The following AP3M2 variants were observed in gnomAD, a reference collection of about 807,000 sequenced individuals.
AP3M2 encodes the protein adaptor related protein complex 3 subunit mu 2, also known as AP-3 complex subunit mu-2.
Under a neutral mutation model 41.6 loss-of-function variants are expected in AP3M2, and 28 were observed. The observed-to-expected ratio is 0.67, with a 90% CI of 0.50 to 0.92. The LOEUF (loss-of-function observed/expected upper bound fraction) is 0.92. AP3M2 is among the 40% of genes least tolerant of loss of function. The pLI is 0.00. For synonymous variants in AP3M2, 193 were observed against 186.4 expected, an observed-to-expected ratio of 1.04 and a Z score of -0.29; for missense variants, 427 against 521.4, an observed-to-expected ratio of 0.82 and a Z score of 1.76.
intron 8 of AP3M2, among the ~76,000 whole-genome samples, chr8:42,168,032 C>T (rs545617181): frequency 5.9e-5 from 9 of 152,190 alleles, no homozygotes; most frequent in African/African-American, 2.2e-4. Context: ...GTGCCTAAGA[C>T]ACACTGAGAA....
chr8:42,166,318 A>G (rs1262086584), intron 6 of AP3M2, among the ~76,000 whole-genome samples: 9 of 152,166 alleles, frequency 5.9e-5, no homozygotes, highest in Non-Finnish European at 1.2e-4. Context: ...ACACGGTAGG[A>G]GTTAAATGGA....
intron 4 of AP3M2, among the ~76,000 whole-genome samples, chr8:42,163,040 G>C (rs371627680): frequency 6.7e-6 from 1 of 150,016 alleles, no homozygotes; most frequent in Non-Finnish European, 1.5e-5. Context: ...TCTGATGGCA[G>C]AACTAAAGTT....
At chr8:42,157,373 GCAGATAATTTAGCAC>G (rs1392544296) in intron 2 of AP3M2, among the ~76,000 whole-genome samples, 2 of 152,190 alleles carry the variant, frequency 1.3e-5, no homozygotes, top group Non-Finnish European at 2.9e-5. Flanking sequence ...TTCCCACAAT[GCAGATAATTTAGCAC>G]CTAACGTTAG....
Position 42,167,777 on chromosome 8 carries a change from C to T in AP3M2, c.1123C>T (p.Leu375=). The part of the protein sequence containing the change: ...SKPDENPTIN[L]QFKIQQLAIS... ...ACCAGATGAAAACCCCACAATTAAC[C>T]TGCAGTTTAAGATCCAGCAGCTGGC... The change falls in exon 8 of 9, where the codon CTG becomes TTG. Residue 375 remains leucine (L), a synonymous_variant. Transcript: ENST00000396926. 1 of 1,614,084 alleles carries T rather than the reference C, an allele frequency of 6.2e-7. No homozygotes were observed. Among genetic ancestry groups the T allele is most frequent in the Non-Finnish European group, 8.5e-7 (1 of 1,179,996 alleles).
intron 4 of AP3M2, 61 bp from the exon 5 acceptor site, chr8:42,165,010 G>T (rs781213705): frequency 5.6e-5 from 82 of 1,451,690 alleles, no homozygotes; most frequent in Admixed American, 7.5e-5. Flanking sequence ...AGATAAGTTT[G>T]TTGAGAAGGA....
chr8:42,163,135 G>T (rs1456246961), intron 4 of AP3M2, among the ~76,000 whole-genome samples: 1 of 152,004 alleles, frequency 6.6e-6, no homozygotes, highest in Non-Finnish European at 1.5e-5. Context: ...TTCAGAATTT[G>T]TAGAAGCCAG....
At chr8:42,162,900 C>G (rs1230504851) in intron 4 of AP3M2, among the ~76,000 whole-genome samples, 1 of 121,572 alleles carries the variant, frequency 8.2e-6, no homozygotes, top group African/African-American at 3.3e-5. Flanking sequence ...AAGCCCTGAT[C>G]ATGACACTGC....
At chr8:42,160,582 A>G (rs552105952) in intron 3 of AP3M2, among the ~76,000 whole-genome samples, 1 of 152,378 alleles carries the variant, frequency 6.6e-6, no homozygotes, top group East Asian at 1.9e-4. Context: ...CAGAGAAGGG[A>G]AGATCTTTTT....
intron 5 of AP3M2, 111 bp downstream of exon 5, chr8:42,165,267 G>A (rs555414398): frequency 9.8e-6 from 14 of 1,434,616 alleles, no homozygotes; most frequent in Admixed American, 1.9e-5. Flanking sequence ...GGACAGCCAC[G>A]AAGCTTGTCT....
intron 8 of AP3M2, chr8:42,168,165 G>A (rs960403471): frequency 8.4e-6 from 4 of 477,230 alleles, no homozygotes; most frequent in African/African-American, 5.9e-5. Flanking sequence ...TATAACTGAA[G>A]TGTAATTTCC....
chr8:42,162,468 C>G, intron 4 of AP3M2, 50 bp downstream of exon 4: 2 of 1,552,770 alleles, frequency 1.3e-6, no homozygotes, highest in African/African-American at 1.4e-5. Flanking sequence ...AAAGGGACCT[C>G]TTTCATATAA....
intron 3 of AP3M2, 99 bp downstream of exon 3, chr8:42,158,211 C>G: frequency 8.1e-7 from 1 of 1,237,198 alleles, no homozygotes; most frequent in South Asian, 1.5e-5. Context: ...CTTTGGGGAT[C>G]TCAGGTGTCC....
At chr8:42,154,578 G>A (rs1804303209) in intron 1 of AP3M2, 38 bp from the exon 2 acceptor site, 2 of 1,480,918 alleles carry the variant, frequency 1.4e-6, no homozygotes, top group Non-Finnish European at 1.8e-6. Flanking sequence ...AGGGCCTTTT[G>A]GTTGAATGGA....
intron 2 of AP3M2, among the ~76,000 whole-genome samples, chr8:42,156,724 G>A (rs144773295): frequency 3.2e-4 from 49 of 152,166 alleles, no homozygotes; most frequent in African/African-American, 1.1e-3. Context: ...GATAATTGAC[G>A]TTATCTAATG....
chr8:42,166,030 A>G (rs775923360), intron 6 of AP3M2, among the ~76,000 whole-genome samples: 75 of 152,168 alleles, frequency 4.9e-4, no homozygotes, highest in Non-Finnish European at 9.6e-4. Flanking sequence ...TTTGTATAGT[A>G]TAAGGTATGC....
intron 8 of AP3M2, among the ~76,000 whole-genome samples, chr8:42,168,435 C>G (rs1804700088): frequency 6.6e-6 from 1 of 152,128 alleles, no homozygotes. Flanking sequence ...TTTTTCTGTA[C>G]AAACGGGCCT....
intron 2 of AP3M2, chr8:42,155,965 G>A (rs1804343267): frequency 2.2e-6 from 1 of 455,336 alleles, no homozygotes; most frequent in Admixed American, 2.4e-5. Context: ...GTTTTTCCCT[G>A]CAATACTCTG....
Position 42,165,066 on chromosome 8 carries a change from C to A in AP3M2, c.584-5C>A. On this transcript the variant is annotated splice_region_variant and splice_polypyrimidine_tract_variant and intron_variant, in intron 4 of 8. Transcript: ENST00000396926. ...TGTGTTCTTTTTGTCTTATTCCTGTCTCAGGCTCCACAATTACTGCTGAGA... is the reference window on the plus strand; with the variant it reads ...TGTGTTCTTTTTGTCTTATTCCTGTATCAGGCTCCACAATTACTGCTGAGA... 6.2e-7 allele frequency: 1 copy of A among 1,612,858 alleles called. No homozygotes were observed. Among genetic ancestry groups the A allele is most frequent in the South Asian group, 1.1e-5 (1 of 90,882 alleles).
intron 8 of AP3M2, chr8:42,168,173 T>C (rs988238249): frequency 6.4e-6 from 3 of 471,016 alleles, no homozygotes; most frequent in African/African-American, 3.9e-5. Context: ...AAGTGTAATT[T>C]CCACTCCTTT....
Sources: gnomAD v4.1 joint callset for allele counts (sites outside exome capture counted in the v4.1 genomes callset) on GRCh38, gnomAD v4.1.1 for gene constraint, MANE v1.5 for transcripts, NCBI Gene and HGNC (gene_info 2026-07-23, HGNC 2026-07-21) for gene names.